The following FAT3 variants were observed in gnomAD, a reference collection of about 807,000 sequenced individuals.
The protein encoded by FAT3 is FAT atypical cadherin 3.
In FAT3, 95 loss-of-function variants were observed where a neutral mutation model predicts 310.2. That is an observed-to-expected ratio of 0.31 (90% CI 0.26 to 0.36). The LOEUF (loss-of-function observed/expected upper bound fraction) is 0.36. Ranked by LOEUF, FAT3 falls within the 10% of genes least tolerant of loss-of-function variation. FAT3 has a pLI of 1.00. For missense variants in FAT3, 5,408 were observed against 5,715.6 expected (o/e 0.95, Z 1.74); for synonymous variants, 2,314 against 2,192.9 (o/e 1.06, Z -1.54).
intron 2 of FAT3, among the ~76,000 whole-genome samples, chr11:92,367,675 G>A (rs1337093178): frequency 6.6e-6 from 1 of 152,106 alleles, no homozygotes; most frequent in Non-Finnish European, 1.5e-5. Context: ...AGACAGAAAA[G>A]CATGTAATCT....
At chr11:92,616,493 G>A (rs1036554933) in intron 3 of FAT3, among the ~76,000 whole-genome samples, 1 of 152,078 alleles carries the variant, frequency 6.6e-6, no homozygotes, top group Non-Finnish European at 1.5e-5. Context: ...GGTTAATATT[G>A]TTATGTGTGA....
At chr11:92,858,891 C>G (rs187884712) in intron 20 of FAT3, among the ~76,000 whole-genome samples, 22 of 152,122 alleles carry the variant, frequency 1.4e-4, no homozygotes, top group African/African-American at 5.1e-4. Flanking sequence ...TTAAGAAAAT[C>G]CAAGTTGTGG....
chr11:92,831,654 G>C lies in FAT3; in HGVS notation c.9514G>C (p.Asp3172His). The change falls in exon 14 of 28, where the codon GAC becomes CAC. Residue 3172 changes from aspartate to histidine, a missense_variant. Transcript: ENST00000525166. Reference sequence around the variant, plus strand: ...TAGGAAGGTCGTGTACTCCCTGGCAGACTCAGCTGGTGGGGTCTTCTCCAT... The same window carrying C: ...TAGGAAGGTCGTGTACTCCCTGGCACACTCAGCTGGTGGGGTCTTCTCCAT... ...INRKVVYSLA[D>H]SAGGVFSIDS... The C allele has an allele frequency of 1.2e-6, 2 of 1,613,200 alleles. No homozygotes were observed. The highest frequency in any genetic ancestry group is 2.2e-5 in the South Asian group (2 of 90,856).
At chr11:92,473,388 A>G (rs1951962321) in intron 2 of FAT3, among the ~76,000 whole-genome samples, 1 of 151,942 alleles carries the variant, frequency 6.6e-6, no homozygotes, top group African/African-American at 2.4e-5. Context: ...ATCTTATTAT[A>G]TTTTCACACC....
At position 92,354,127 on chromosome 11, in the gene FAT3, T is replaced by C. The variant is rs771300455; in HGVS notation, c.2015T>C (p.Leu672Pro). The C allele has an allele frequency of 4.3e-6, 7 of 1,613,734 alleles. No homozygotes were observed. The African/African-American group carries it at 8.0e-5, about 18-fold the overall frequency. ...CCCATGTCTATTAACATTTCAGTCCTACATGGGAAAGTGTCTTCAAAGAGC... is the reference window on the plus strand; with the variant it reads ...CCCATGTCTATTAACATTTCAGTCCCACATGGGAAAGTGTCTTCAAAGAGC... ...ADPMSINISVLHGKVSSKSFS... is the reference protein window; with the variant it reads ...ADPMSINISVPHGKVSSKSFS... Residue 672 changes from leucine to proline, a missense_variant, in exon 2 of 28, where the codon CTA (leucine) becomes CCA (proline). By Grantham distance (98) the Leu-to-Pro change is moderately conservative. Transcript: ENST00000525166.
In FAT3 at chr11:92,799,879, A is replaced by G. The variant is rs765720273; in HGVS notation, c.6866A>G (p.Gln2289Arg). Reference protein sequence around the residue: ...DVNDNPPIFDQPTYNTTLSEA... With the variant: ...DVNDNPPIFDRPTYNTTLSEA... ...AATGACAACCCCCCTATTTTCGATC[A>G]GCCTACATACAATACAACACTATCA... The change falls in exon 10 of 28, where the codon CAG (glutamine) becomes CGG (arginine). Residue 2289 changes from glutamine (Q) to arginine (R), a missense_variant. Transcript: ENST00000525166. 13 of 1,613,120 alleles carry G rather than the reference A, an allele frequency of 8.1e-6. No homozygotes were observed. The highest frequency in any genetic ancestry group is 5.5e-5 in the South Asian group (5 of 90,924).
At chr11:92,792,494 T>C (rs1375367695) in intron 8 of FAT3, among the ~76,000 whole-genome samples, 1 of 152,006 alleles carries the variant, frequency 6.6e-6, no homozygotes, top group Non-Finnish European at 1.5e-5. Flanking sequence ...GTTTGTGATA[T>C]CAAGGCATCA....
Position 92,859,182 on chromosome 11 carries a change from T to C in FAT3, c.11518T>C (p.Phe3840Leu), listed in dbSNP as rs1456443016. Residue 3840 changes from phenylalanine to leucine, a missense_variant, in exon 21 of 28, where the codon TTT becomes CTT. By Grantham distance (22) the Phe-to-Leu change is conservative (BLOSUM62 0). This residue lies in a region of FAT3 where 4,588 missense variants were observed against 4,809.8 expected (regional missense o/e 0.95). Transcript: ENST00000525166. ...GECSGHTSLS[F>L]AGNSYIKYRL... ...CTTTTCAGGGCACACTTCTCTCAGC[T>C]TTGCTGGAAACAGTTACATCAAATA... 1 of 1,613,716 alleles carries C rather than the reference T, an allele frequency of 6.2e-7. No homozygotes were observed. The highest frequency in any genetic ancestry group is 1.3e-5 in the African/African-American group (1 of 75,042).
intron 3 of FAT3, among the ~76,000 whole-genome samples, chr11:92,607,113 G>A (rs754509954): frequency 1.3e-5 from 2 of 152,170 alleles, no homozygotes; most frequent in Non-Finnish European, 2.9e-5. Flanking sequence ...TTGTACCCTT[G>A]ATTGAAAGAT....
intron 1 of FAT3, among the ~76,000 whole-genome samples, chr11:92,229,507 G>GTTTTTT (rs1565339350): frequency 3.4e-5 from 2 of 58,156 alleles, no homozygotes; most frequent in Non-Finnish European, 6.1e-5. Flanking sequence ...TTTTTTTTTT[G>GTTTTTT]TTTTTTGTTT....
intron 2 of FAT3, among the ~76,000 whole-genome samples, chr11:92,504,124 A>G (rs1000753302): frequency 4.6e-5 from 7 of 152,164 alleles, no homozygotes; most frequent in Admixed American, 2.6e-4. Context: ...ATTTTAGAGC[A>G]GCCATAACTG....
At chr11:92,445,495 G>T (rs1951187234) in intron 2 of FAT3, among the ~76,000 whole-genome samples, 1 of 152,104 alleles carries the variant, frequency 6.6e-6, no homozygotes, top group Non-Finnish European at 1.5e-5. Flanking sequence ...TGTCTGGCTT[G>T]TTGAAGCACA....
intron 2 of FAT3, among the ~76,000 whole-genome samples, chr11:92,460,179 C>A (rs1951598694): frequency 6.6e-6 from 1 of 152,164 alleles, no homozygotes; most frequent in African/African-American, 2.4e-5. Context: ...ATACCTCTTT[C>A]AGAGGGTAGA....
intron 2 of FAT3, among the ~76,000 whole-genome samples, chr11:92,474,246 T>C (rs1951988592): frequency 6.6e-6 from 1 of 152,198 alleles, no homozygotes; most frequent in Non-Finnish European, 1.5e-5. Flanking sequence ...CATCTGCTAA[T>C]GAAGAGTGGT....
At chr11:92,802,682 A>G (rs570749604) in intron 10 of FAT3, among the ~76,000 whole-genome samples, 13 of 152,294 alleles carry the variant, frequency 8.5e-5, no homozygotes, top group African/African-American at 2.4e-4. Flanking sequence ...GGGGTGGGTT[A>G]AAGCTAATAT....
At chr11:92,641,955 G>T (rs1424031145) in intron 3 of FAT3, among the ~76,000 whole-genome samples, 2 of 152,336 alleles carry the variant, frequency 1.3e-5, no homozygotes, top group East Asian at 1.9e-4. Context: ...GCAACATGAG[G>T]TTGAAGGGAG....
chr11:92,311,267 A>G (rs1947298359), intron 1 of FAT3, among the ~76,000 whole-genome samples: 1 of 152,148 alleles, frequency 6.6e-6, no homozygotes, highest in Admixed American at 6.6e-5. Flanking sequence ...TATTGAAAAA[A>G]ATGATTACGT....
intron 6 of FAT3, among the ~76,000 whole-genome samples, chr11:92,771,701 A>G (rs1383487348): frequency 2.6e-5 from 4 of 151,666 alleles, no homozygotes; most frequent in Non-Finnish European, 5.9e-5. Flanking sequence ...TGAGGGAGAT[A>G]TACACATACA....
chr11:92,514,003 G>T (rs573906355), intron 2 of FAT3, among the ~76,000 whole-genome samples: 2 of 152,234 alleles, frequency 1.3e-5, no homozygotes, highest in South Asian at 4.1e-4. Flanking sequence ...AAACAACCTA[G>T]CATGTAATAT....
Sources: allele counts gnomAD v4.1 joint callset (sites outside exome capture counted in the v4.1 genomes callset), GRCh38; gene constraint gnomAD v4.1.1; regional missense constraint gnomAD v4.1.1; transcripts MANE v1.5; gene names NCBI Gene and HGNC (gene_info 2026-07-23, HGNC 2026-07-21).